ENPP2: variants seen among roughly 807,000 people sequenced by gnomAD.
ENPP2 encodes autotaxin.
In ENPP2, 51 loss-of-function variants were observed where a neutral mutation model predicts 120.2. The ratio of observed to expected loss-of-function variants is 0.42; its 90% CI spans 0.34 to 0.54. The LOEUF is 0.54. Among genes scored for constraint, ENPP2 ranks in the 20% least tolerant of loss-of-function variants. The pLI is 0.04. For missense variants in ENPP2, 920 were observed against 1,066.5 expected (o/e 0.86, Z 1.91); for synonymous variants, 365 against 366.4 (o/e 1.00, Z 0.04).
rs563399836 is a variant in ENPP2, at chr8:119,636,009, G to A, written c.136+2416C>T. 7.9e-5 allele frequency among the ~76,000 whole-genome samples: 12 copies of A among 152,240 alleles called. No homozygotes were observed. The East Asian group carries it at 1.2e-3, about 15-fold the overall frequency. On this transcript the variant is annotated intron_variant, in intron 2 of 24. Coordinates refer to ENST00000075322, the MANE Select transcript of ENPP2 (RefSeq NM_001040092.3). ...TGGTGGATCTCACTCTGATCAATCC[G>A]AAGCTAGCCATATATCAATACCCTT...
At chr8:119,640,875 T>C (rs1396337536), upstream of ENPP2, among the ~76,000 whole-genome samples, 1 of 151,998 alleles carries the variant, frequency 6.6e-6, no homozygotes, top group Non-Finnish European at 1.5e-5. Context: ...GCCTCCCGAG[T>C]AGCTGGGATT....
At chr8:119,609,149 G>A (rs149818161) in intron 8 of ENPP2, among the ~76,000 whole-genome samples, 1 of 152,280 alleles carries the variant, frequency 6.6e-6, no homozygotes, top group African/African-American at 2.4e-5. Flanking sequence ...TGGGTAACTG[G>A]GAGGTGGAGA....
intron 2 of ENPP2, among the ~76,000 whole-genome samples, chr8:119,627,768 A>G (rs1169703949): frequency 6.6e-6 from 1 of 151,864 alleles, no homozygotes; most frequent in Non-Finnish European, 1.5e-5. Flanking sequence ...AGGCTGAGGC[A>G]GGAGAATTGC....
At chr8:119,611,364 T>C (rs1355353344) in intron 8 of ENPP2, among the ~76,000 whole-genome samples, 4 of 152,200 alleles carry the variant, frequency 2.6e-5, no homozygotes, top group African/African-American at 9.6e-5. Context: ...GGTGGAGCAC[T>C]TGCTTCAGCA....
At chr8:119,595,567 C>A (rs2875906) in intron 11 of ENPP2, among the ~76,000 whole-genome samples, 61,894 of 151,920 alleles carry the variant, frequency 0.41, 12,855 homozygotes, top group South Asian at 0.54. Context: ...AATAAGTGCA[C>A]TCTTAATAGT....
At chr8:119,591,781 G>A (rs962657554) in intron 12 of ENPP2, among the ~76,000 whole-genome samples, 1 of 152,136 alleles carries the variant, frequency 6.6e-6, no homozygotes, top group Non-Finnish European at 1.5e-5. Flanking sequence ...TATATATCTT[G>A]CACTTTAACA....
intron 3 of ENPP2, among the ~76,000 whole-genome samples, chr8:119,622,501 A>C (rs1815973606): frequency 6.6e-6 from 1 of 152,060 alleles, no homozygotes; most frequent in Non-Finnish European, 1.5e-5. Context: ...TAATTCTTAC[A>C]TTTCAGAAAA....
chr8:119,591,592 C>T (rs531599732), intron 12 of ENPP2, among the ~76,000 whole-genome samples: 260 of 152,108 alleles, frequency 1.7e-3, no homozygotes, highest in African/African-American at 6.0e-3. Flanking sequence ...TTGGAGAATA[C>T]TCATATATTT....
rs78001490 is a variant in ENPP2 at position 119,660,720 on chromosome 8, G to C, written c.21+12532C>G. On this transcript the variant is annotated intron_variant, in intron 1 of 25. Transcript: ENST00000427067. ...AGAGTTTTGAGCAGTTGTAGGCAAA[G>C]TTTCTGTAAAGGACCAGAAAAGCAT... Among the ~76,000 whole-genome samples the C allele has an allele frequency of 7.2e-3, 1,102 of 152,306 alleles. 17 individuals carry two copies. Among genetic ancestry groups the C allele is most frequent in the African/African-American group, 0.024 (989 of 41,568 alleles).
intron 11 of ENPP2, among the ~76,000 whole-genome samples, chr8:119,594,256 G>A (rs188014270): frequency 4.7e-4 from 71 of 152,282 alleles, no homozygotes; most frequent in Non-Finnish European, 8.2e-4. Context: ...GAAGATAGAC[G>A]CTAAGTGAAT....
At chr8:119,572,889 T>C (rs1445029938) in intron 19 of ENPP2, 1 of 152,390 alleles carries the variant, frequency 6.6e-6, no homozygotes, top group Non-Finnish European at 1.5e-5. Context: ...CAGAGGATGA[T>C]GAATACTGGA....
chr8:119,572,151 CT>C, intron 19 of ENPP2: 1 of 1,477,344 alleles, frequency 6.8e-7, no homozygotes, highest in African/African-American at 1.4e-5. Context: ...ACAACCCAGA[CT>C]TTCCTTCAAA....
chr8:119,609,653 A>T (rs976297311), intron 8 of ENPP2, among the ~76,000 whole-genome samples: 9 of 152,204 alleles, frequency 5.9e-5, no homozygotes, highest in African/African-American at 2.2e-4. Flanking sequence ...TGCTGGACAC[A>T]CTATAAAACC....
upstream of ENPP2, among the ~76,000 whole-genome samples, chr8:119,641,575 G>A (rs927877254): frequency 1.3e-5 from 2 of 152,218 alleles, no homozygotes; most frequent in African/African-American, 4.8e-5. Context: ...CCCCCTGGCA[G>A]AAGAAAACCT....
At chr8:119,655,358 G>A (rs1034009068) in intron 1 of ENPP2, among the ~76,000 whole-genome samples, 7 of 152,256 alleles carry the variant, frequency 4.6e-5, no homozygotes, top group South Asian at 2.1e-4. Context: ...AGAGAATGCC[G>A]GAAGTTCTGG....
intron 12 of ENPP2, among the ~76,000 whole-genome samples, chr8:119,590,846 C>T (rs1813446439): frequency 6.6e-6 from 1 of 151,964 alleles, no homozygotes; most frequent in Admixed American, 6.6e-5. Flanking sequence ...TATCATCTTG[C>T]AAGCACTAGA....
intron 11 of ENPP2, among the ~76,000 whole-genome samples, chr8:119,598,973 C>G (rs1183114595): frequency 6.6e-6 from 1 of 152,154 alleles, no homozygotes; most frequent in Non-Finnish European, 1.5e-5. Context: ...AGAAGTCAAA[C>G]TTTTAAGTAG....
chr8:119,620,266 T>A (rs114128668), intron 4 of ENPP2, among the ~76,000 whole-genome samples: 2,157 of 152,272 alleles, frequency 0.014, 30 homozygotes, highest in African/African-American at 0.037. Context: ...TTAAAAAAAA[T>A]TTTATTTCTA....
At chr8:119,568,285 C>A in intron 21 of ENPP2, 33 bp from the exon 22 acceptor site, 2 of 1,189,442 alleles carry the variant, frequency 1.7e-6, no homozygotes, top group Non-Finnish European at 2.4e-6. Context: ...GTATACGTTG[C>A]TTACCAAAAT....
Sources: gnomAD v4.1 joint callset for allele counts (sites outside exome capture counted in the v4.1 genomes callset) on GRCh38, gnomAD v4.1.1 for gene constraint, MANE v1.5 for transcripts, NCBI Gene and HGNC (gene_info 2026-07-23, HGNC 2026-07-21) for gene names.